KIF6: variants seen among roughly 807,000 people sequenced by gnomAD.
The protein encoded by KIF6 is kinesin family member 6.
KIF6 carries 106 observed loss-of-function variants against 112.7 expected under a neutral mutation model. The observed-to-expected ratio is 0.94, with a 90% CI of 0.80 to 1.11. The LOEUF is 1.11. Ranked by LOEUF, KIF6 falls within the 50% of genes least tolerant of loss-of-function variation. The probability of loss-of-function intolerance (pLI) is 0.00; values close to 1 mark genes in which losing one functional copy is unlikely to be tolerated. For synonymous variants in KIF6, 339 were observed against 339.9 expected (o/e 1.00, Z 0.03); for missense variants, 929 against 964.0 (o/e 0.96, Z 0.48).
At chr6:39,640,075 C>T (rs1784827387) in intron 3 of KIF6, among the ~76,000 whole-genome samples, 1 of 151,938 alleles carries the variant, frequency 6.6e-6, no homozygotes, top group African/African-American at 2.4e-5. Context: ...GGAAACAATA[C>T]CTGTAATTTG....
chr6:39,678,791 C>A (rs1360661221), intron 3 of KIF6, among the ~76,000 whole-genome samples: 1 of 152,132 alleles, frequency 6.6e-6, no homozygotes, highest in Admixed American at 6.5e-5. Context: ...GAACAAAAGG[C>A]TTGATTTTAA....
At chr6:39,525,710 T>C (rs1777678790) in intron 13 of KIF6, among the ~76,000 whole-genome samples, 1 of 152,058 alleles carries the variant, frequency 6.6e-6, no homozygotes, top group Non-Finnish European at 1.5e-5. Context: ...GAGAATCCCT[T>C]GAACCTGGGA....
chr6:39,545,506 CT>C, intron 11 of KIF6, 76 bp downstream of exon 11: 1 of 927,834 alleles, frequency 1.1e-6, no homozygotes, highest in Non-Finnish European at 1.8e-6. Flanking sequence ...CTTCCAAGAA[CT>C]GGTCAACTAG....
At chr6:39,500,724 C>T (rs1776076909) in intron 13 of KIF6, among the ~76,000 whole-genome samples, 1 of 152,062 alleles carries the variant, frequency 6.6e-6, no homozygotes, top group African/African-American at 2.4e-5. Context: ...TTGACACATG[C>T]CATCGTTGTT....
chr6:39,572,859 G>A (rs1780722078), intron 10 of KIF6, among the ~76,000 whole-genome samples: 2 of 150,192 alleles, frequency 1.3e-5, no homozygotes, highest in Non-Finnish European at 3.0e-5. Context: ...AATAACTGGA[G>A]GCTGACATCT....
chr6:39,463,003 T>C (rs907065040), intron 13 of KIF6, among the ~76,000 whole-genome samples: 3 of 152,150 alleles, frequency 2.0e-5, no homozygotes, highest in African/African-American at 7.2e-5. Context: ...ACACGTCAAA[T>C]AGAATGTCTT....
At chr6:39,662,991 C>T (rs1786254754) in intron 3 of KIF6, among the ~76,000 whole-genome samples, 1 of 151,748 alleles carries the variant, frequency 6.6e-6, no homozygotes, top group Non-Finnish European at 1.5e-5. Flanking sequence ...ACCTCACAGA[C>T]TCAATTGATC....
intron 10 of KIF6, among the ~76,000 whole-genome samples, chr6:39,570,505 A>G (rs1312323171): frequency 2.6e-5 from 4 of 152,218 alleles, no homozygotes; most frequent in Non-Finnish European, 1.5e-5. Context: ...ATCCACCTAT[A>G]GTAAGCTTGC....
At chr6:39,437,038 T>C (rs1008886336) in intron 13 of KIF6, among the ~76,000 whole-genome samples, 8 of 152,192 alleles carry the variant, frequency 5.3e-5, no homozygotes, top group Admixed American at 3.3e-4. Context: ...ATCTATGTTT[T>C]TTTTCATCAG....
rs998281732 is a variant in KIF6, at chr6:39,631,450, G to A, written c.509+3399C>T. On this transcript the variant is annotated intron_variant, in intron 5 of 22. Transcript: ENST00000287152. ...TAGATGCTCTTTAACAAACTGAGGT[G>A]ATTCTCCTTATTTCTAACTTGTTTA... Among the ~76,000 whole-genome samples, 14 of 151,998 alleles carry A rather than the reference G, an allele frequency of 9.2e-5. No individual in the cohort carries two copies. The South Asian group carries it at 2.7e-3, about 29-fold the overall frequency.
At position 39,362,258 on chromosome 6, in the gene KIF6, T is replaced by G. The variant is rs538238518; in HGVS notation, c.1946+176A>C. Reference sequence around the variant, plus strand: ...TTCTGCATTCTAACCTCACACTGCCTGGGGTCCTGCCTTTCACACCTGCCT... The same window carrying G: ...TTCTGCATTCTAACCTCACACTGCCGGGGGTCCTGCCTTTCACACCTGCCT... On this transcript the variant is annotated intron_variant, in intron 17 of 22. Coordinates refer to ENST00000287152, the MANE Select transcript of KIF6 (RefSeq NM_145027.6). Among the ~76,000 whole-genome samples, 7 of 152,250 alleles carry G rather than the reference T, an allele frequency of 4.6e-5. No homozygotes were observed. The South Asian group carries it at 1.5e-3, about 32-fold the overall frequency.
At chr6:39,603,637 A>G (rs1443705733) in intron 6 of KIF6, among the ~76,000 whole-genome samples, 1 of 151,524 alleles carries the variant, frequency 6.6e-6, no homozygotes, top group Non-Finnish European at 1.5e-5. Flanking sequence ...TTCTCTTCCT[A>G]TTCAATAAGT....
chr6:39,568,468 T>C (rs1238263976), intron 10 of KIF6, among the ~76,000 whole-genome samples: 2 of 152,138 alleles, frequency 1.3e-5, no homozygotes, highest in African/African-American at 2.4e-5. Context: ...TAGTGAGGTG[T>C]GGTTAATATC....
At chr6:39,594,845 T>G (rs1376676552) in intron 7 of KIF6, among the ~76,000 whole-genome samples, 1 of 151,992 alleles carries the variant, frequency 6.6e-6, no homozygotes, top group Admixed American at 6.5e-5. Flanking sequence ...ATTTTTTATT[T>G]TATTATTTTT....
intron 5 of KIF6, among the ~76,000 whole-genome samples, chr6:39,614,169 G>A (rs1783370018): frequency 6.6e-6 from 1 of 152,138 alleles, no homozygotes; most frequent in South Asian, 2.1e-4. Flanking sequence ...TGCTTCACAG[G>A]CCTACAGATT....
At chr6:39,634,010 A>C (rs143455967) in intron 5 of KIF6, among the ~76,000 whole-genome samples, 3,027 of 152,326 alleles carry the variant, frequency 0.02, 54 homozygotes, top group Non-Finnish European at 0.029. Context: ...ATTCACTACT[A>C]TAAAATTTCA....
chr6:39,493,101 A>G (rs1370969379), intron 13 of KIF6, among the ~76,000 whole-genome samples: 1 of 152,100 alleles, frequency 6.6e-6, no homozygotes, highest in Non-Finnish European at 1.5e-5. Context: ...AAAGCCTTAC[A>G]CCTTTCCTCC....
chr6:39,725,295 T>C lies in KIF6; in HGVS notation c.16A>G (p.Ile6Val), dbSNP rs776781970. ...GGCTTCACCCTCGCGAATATCTGGA[T>C]AGTCTGCTTCACCATCTCCTCCCTG... Reference protein sequence around the residue: MVKQTIQIFARVKPPV... With the variant: MVKQTVQIFARVKPPV... Residue 6 changes from isoleucine to valine, a missense_variant, in exon 1 of 23, where the codon ATC (isoleucine) becomes GTC (valine). Transcript: ENST00000287152. The C allele has an allele frequency of 6.8e-6, 11 of 1,610,644 alleles. No individual in the cohort carries two copies. The East Asian group carries it at 2.2e-4, about 33-fold the overall frequency.
chr6:39,337,155 T>TCTTTCTTTCTTTCTTTCTTTC (rs1281495138), intron 22 of KIF6, among the ~76,000 whole-genome samples: 1 of 53,674 alleles, frequency 1.9e-5, no homozygotes, highest in African/African-American at 1.5e-4. Flanking sequence ...TTTCTCTTTC[T>TCTTTCTTTCTTTCTTTCTTTC]TTTCTTTCTT....
Sources: gnomAD v4.1 joint callset for allele counts (sites outside exome capture counted in the v4.1 genomes callset) on GRCh38, gnomAD v4.1.1 for gene constraint, MANE v1.5 for transcripts, NCBI Gene and HGNC (gene_info 2026-07-23, HGNC 2026-07-21) for gene names.